Variants in ACACA observed in about 807,000 individuals in gnomAD.
The protein encoded by ACACA is acetyl-CoA carboxylase 1.
A neutral mutation model predicts 296.1 loss-of-function variants in ACACA; 103 were observed. The observed-to-expected ratio is 0.35, with a 90% CI of 0.30 to 0.41. The LOEUF is 0.41. Among genes scored for constraint, ACACA ranks in the 10% least tolerant of loss-of-function variants. ACACA has a pLI of 1.00. For missense variants in ACACA, 1,554 were observed against 2,989.7 expected (o/e 0.52, Z 11.20); for synonymous variants, 953 against 1,038.6 (o/e 0.92, Z 1.58).
intron 1 of ACACA, among the ~76,000 whole-genome samples, chr17:37,356,392 T>A (rs559884902): frequency 3.5e-4 from 54 of 152,134 alleles, no homozygotes; most frequent in Admixed American, 1.4e-3. Flanking sequence ...TATTATTATT[T>A]TTTTGAGACG....
intron 1 of ACACA, chr17:37,388,606 G>T: frequency 6.5e-7 from 1 of 1,539,860 alleles, no homozygotes. Context: ...TCAGGTCAAA[G>T]GATCAATCTC....
chr17:37,296,508 T>C lies in ACACA; in HGVS notation c.339-11538A>G, dbSNP rs921565877. Reference sequence around the variant, plus strand: ...TTTTAGTAGAGATGGGGTTTCACCATGTTAGCCAGGATGGTCTCGATCTCC... The same window carrying C: ...TTTTAGTAGAGATGGGGTTTCACCACGTTAGCCAGGATGGTCTCGATCTCC... On this transcript the variant is annotated intron_variant, in intron 3 of 55. Transcript: ENST00000616317. Among the ~76,000 whole-genome samples the C allele has an allele frequency of 4.6e-5, 7 of 151,760 alleles. No individual in the cohort carries two copies. The South Asian group carries it at 1.2e-3, about 27-fold the overall frequency.
chr17:37,338,096 C>G (rs778626988), intron 2 of ACACA, among the ~76,000 whole-genome samples: 64 of 138,220 alleles, frequency 4.6e-4, no homozygotes, highest in Non-Finnish European at 8.6e-4. Context: ...GACTCCGTCT[C>G]AAAAATAAAA....
chr17:37,217,765 CA>C (rs1288966438), intron 29 of ACACA, among the ~76,000 whole-genome samples: 7 of 75,968 alleles, frequency 9.2e-5, no homozygotes. Flanking sequence ...AAAAAAAAAA[CA>C]ACCTGTTTTC....
chr17:37,129,577 G>A, intron 46 of ACACA, 92 bp from the exon 47 acceptor site: 1 of 1,533,776 alleles, frequency 6.5e-7, no homozygotes, highest in Non-Finnish European at 8.9e-7. Context: ...AGACAGCAGG[G>A]CCCACGTATG....
chr17:37,233,092 A>C (rs1365248306), intron 25 of ACACA, among the ~76,000 whole-genome samples: 1 of 152,200 alleles, frequency 6.6e-6, no homozygotes, highest in African/African-American at 2.4e-5. Context: ...GCCTGTCCTG[A>C]CTGGCAAAAG....
chr17:37,292,733 G>A (rs529358295), intron 3 of ACACA, among the ~76,000 whole-genome samples: 5 of 152,314 alleles, frequency 3.3e-5, no homozygotes, highest in Admixed American at 6.5e-5. Context: ...GCGTGGTGGT[G>A]TGTGCCTGTA....
rs547141809 is a variant in ACACA at position 37,395,025 on chromosome 17, T to C, written c.38+11237A>G. Reference sequence around the variant, plus strand: ...TCTTCCCAGAGATAATCATTAACACTGGTTAATATGTAATCAGTGGTTAAT... The same window carrying C: ...TCTTCCCAGAGATAATCATTAACACCGGTTAATATGTAATCAGTGGTTAAT... On this transcript the variant is annotated intron_variant, in intron 1 of 55. Coordinates refer to ENST00000616317, the MANE Select transcript of ACACA (RefSeq NM_198834.3). Among the ~76,000 whole-genome samples, 14 of 152,212 alleles carry C rather than the reference T, an allele frequency of 9.2e-5. 1 individual carries two copies. The South Asian group carries it at 2.9e-3, about 32-fold the overall frequency.
intron 41 of ACACA, chr17:37,162,612 T>C: frequency 3.7e-6 from 1 of 267,364 alleles, no homozygotes; most frequent in South Asian, 4.0e-5. Context: ...ATGAAGAGAG[T>C]GCTATGAACG....
At chr17:37,238,007 G>A (rs1033840422) in intron 24 of ACACA, among the ~76,000 whole-genome samples, 11 of 152,062 alleles carry the variant, frequency 7.2e-5, no homozygotes, top group African/African-American at 1.9e-4. Context: ...GCAATCTGCC[G>A]GCCTTGGCCT....
At chr17:37,209,856 C>G (rs1168114602) in intron 30 of ACACA, among the ~76,000 whole-genome samples, 1 of 152,126 alleles carries the variant, frequency 6.6e-6, no homozygotes, top group Non-Finnish European at 1.5e-5. Flanking sequence ...ACTAAAATAT[C>G]ACTTATGTTA....
intron 2 of ACACA, among the ~76,000 whole-genome samples, chr17:37,336,446 C>T (rs2048123429): frequency 6.6e-6 from 1 of 152,174 alleles, no homozygotes; most frequent in South Asian, 2.1e-4. Flanking sequence ...AAACACCGGG[C>T]TTGCAACTTA....
intron 45 of ACACA, among the ~76,000 whole-genome samples, chr17:37,147,522 GC>G (rs1189791750): frequency 2.6e-5 from 4 of 152,188 alleles, no homozygotes; most frequent in African/African-American, 9.7e-5. Flanking sequence ...GTCAGAGGAA[GC>G]CATCTGAGCA....
intron 1 of ACACA, chr17:37,377,874 C>T: frequency 6.2e-7 from 1 of 1,613,126 alleles, no homozygotes; most frequent in Non-Finnish European, 8.5e-7. Context: ...TCTGCTCACC[C>T]CCAGACCTCA....
At chr17:37,270,524 T>A (rs1004899250) in intron 10 of ACACA, among the ~76,000 whole-genome samples, 9 of 152,318 alleles carry the variant, frequency 5.9e-5, no homozygotes, top group African/African-American at 2.2e-4. Flanking sequence ...ACAGAATAAC[T>A]CTACTGTTTG....
intron 1 of ACACA, among the ~76,000 whole-genome samples, chr17:37,405,786 C>G (rs1262924784): frequency 6.7e-6 from 1 of 148,806 alleles, no homozygotes; most frequent in African/African-American, 2.5e-5. Flanking sequence ...ACTCCAGACC[C>G]TGTGATCCGC....
chr17:37,123,239 T>C (rs1361222370), intron 48 of ACACA, among the ~76,000 whole-genome samples: 1 of 152,240 alleles, frequency 6.6e-6, no homozygotes, highest in Non-Finnish European at 1.5e-5. Flanking sequence ...AACAAGCCCT[T>C]AATTTTCTCC....
intron 37 of ACACA, 101 bp from the exon 38 acceptor site, chr17:37,191,376 G>A: frequency 8.6e-7 from 1 of 1,166,812 alleles, no homozygotes. Context: ...TGAATCATAA[G>A]GCACTTGGTG....
rs118149929 is a variant in ACACA, at chr17:37,203,049, G to A, written c.4057-2566C>T. Among the ~76,000 whole-genome samples, 1,260 of 149,402 alleles carry A rather than the reference G, an allele frequency of 8.4e-3. 4 individuals are homozygous for A. The highest frequency in any genetic ancestry group is 0.013 in the Non-Finnish European group (876 of 67,656). On this transcript the variant is annotated intron_variant, in intron 33 of 55. Transcript: ENST00000616317. ...GCAATCTCGGCTCACAGCAACCTCCGCCCCCAGGTTCAAGCGATTCTCTTG... is the reference window on the plus strand; with the variant it reads ...GCAATCTCGGCTCACAGCAACCTCCACCCCCAGGTTCAAGCGATTCTCTTG...
Sources: gnomAD v4.1 joint callset for allele counts (sites outside exome capture counted in the v4.1 genomes callset) on GRCh38, gnomAD v4.1.1 for gene constraint, MANE v1.5 for transcripts, NCBI Gene and HGNC (gene_info 2026-07-23, HGNC 2026-07-21) for gene names.